Variants in BANK1 observed in about 807,000 individuals in gnomAD.
The protein encoded by BANK1 is B cell scaffold protein with ankyrin repeats 1.
Under a neutral mutation model 94.5 loss-of-function variants are expected in BANK1, and 95 were observed. That is an observed-to-expected ratio of 1.00 (90% CI 0.85 to 1.19). The LOEUF is 1.19. Among genes scored for constraint, BANK1 ranks in the 50% most tolerant of loss-of-function variants. The pLI, the probability that BANK1 is intolerant of heterozygous loss-of-function variation, is 0.00. For synonymous variants in BANK1, 334 were observed against 308.4 expected, an observed-to-expected ratio of 1.08 and a Z score of -0.87; for missense variants, 987 against 932.2, an observed-to-expected ratio of 1.06 and a Z score of -0.77.
chr4:101,829,852 GA>G lies in BANK1; in HGVS notation c.117del (p.Glu39AspfsTer6). Reference sequence around the variant, plus strand: ...AATGATATATGAAGAAGATGCTGAGGAATGGGCTCTGTACTTGACAGAAGTA... The same window carrying G: ...AATGATATATGAAGAAGATGCTGAGGATGGGCTCTGTACTTGACAGAAGTA... Reference protein sequence around the residue: ...IIMIYEEDAEEWALYLTEVFL... With the variant: ...IIMIYEEDAEXWALYLTEVFL... On this transcript the variant is annotated frameshift_variant, in exon 2 of 17. Transcript: ENST00000322953. LOFTEE classifies it high-confidence loss of function. 6.3e-7 allele frequency: 1 copy of G among 1,593,388 alleles called. No individual in the cohort carries two copies. Among genetic ancestry groups the G allele is most frequent in the Non-Finnish European group, 8.5e-7 (1 of 1,170,750 alleles).
At chr4:101,965,741 GC>G (rs1406112315) in intron 7 of BANK1, among the ~76,000 whole-genome samples, 2 of 151,984 alleles carry the variant, frequency 1.3e-5, no homozygotes, top group Non-Finnish European at 2.9e-5. Flanking sequence ...ACTGAGGTAG[GC>G]CTAGATGCTT....
intron 2 of BANK1, among the ~76,000 whole-genome samples, chr4:101,833,844 T>C (rs1726719888): frequency 6.6e-6 from 1 of 152,210 alleles, no homozygotes; most frequent in Admixed American, 6.5e-5. Flanking sequence ...ACTGGAAGTT[T>C]TCAAGTTTCT....
At chr4:102,072,562 T>TAAG (rs1387570912) in intron 15 of BANK1, among the ~76,000 whole-genome samples, 162 bp downstream of exon 15, 1 of 152,102 alleles carries the variant, frequency 6.6e-6, no homozygotes, top group African/African-American at 2.4e-5. Context: ...AGCATTTATT[T>TAAG]AAGGAAATTA....
intron 10 of BANK1, among the ~76,000 whole-genome samples, chr4:102,033,370 T>A (rs1200879128): frequency 6.6e-6 from 1 of 152,174 alleles, no homozygotes; most frequent in Non-Finnish European, 1.5e-5. Context: ...CTAAGTAAAA[T>A]AAGTACATTT....
At chr4:101,995,520 C>T (rs967575333) in intron 7 of BANK1, among the ~76,000 whole-genome samples, 9 of 151,048 alleles carry the variant, frequency 6.0e-5, no homozygotes, top group African/African-American at 2.2e-4. Flanking sequence ...GGAATCGCCA[C>T]ACTGACTTCC....
At chr4:102,034,686 C>T (rs143565912) in intron 10 of BANK1, among the ~76,000 whole-genome samples, 2 of 152,262 alleles carry the variant, frequency 1.3e-5, no homozygotes, top group African/African-American at 4.8e-5. Flanking sequence ...AGGCAGCTTT[C>T]ATGATAATTG....
intron 2 of BANK1, among the ~76,000 whole-genome samples, chr4:101,845,091 G>A (rs1727194617): frequency 6.6e-6 from 1 of 152,012 alleles, no homozygotes; most frequent in African/African-American, 2.4e-5. Context: ...TTATATGGAA[G>A]CAAGCAGTTT....
rs554588432 is a variant in BANK1 at position 101,863,054 on chromosome 4, T to TC, written c.763+395dup. On this transcript the variant is annotated intron_variant, in intron 4 of 16. Coordinates refer to ENST00000322953, the MANE Select transcript of BANK1 (RefSeq NM_017935.5). Reference sequence around the variant, plus strand: ...TATTTTTTTCCCTTTCTTTCTTTTTTCCCCCAAGTCTCTGGTATATTTTTG... The same window carrying TC: ...TATTTTTTTCCCTTTCTTTCTTTTTTCCCCCCAAGTCTCTGGTATATTTTTG... Among the ~76,000 whole-genome samples, 617 of 152,038 alleles carry TC rather than the reference T, an allele frequency of 4.1e-3. 4 individuals are homozygous for TC. The highest frequency in any genetic ancestry group is 0.013 in the African/African-American group (560 of 41,540).
At chr4:101,907,158 G>A (rs1040293706) in intron 6 of BANK1, among the ~76,000 whole-genome samples, 1 of 152,318 alleles carries the variant, frequency 6.6e-6, no homozygotes, top group African/African-American at 2.4e-5. Context: ...GATCACTCAT[G>A]CTATTGTTTG....
chr4:101,968,748 T>C (rs1724849295), intron 7 of BANK1, among the ~76,000 whole-genome samples: 1 of 152,110 alleles, frequency 6.6e-6, no homozygotes, highest in Non-Finnish European at 1.5e-5. Context: ...TCTTCCCTCA[T>C]GTATCATACA....
At chr4:101,824,119 G>A (rs1017041663) in intron 1 of BANK1, among the ~76,000 whole-genome samples, 9 of 152,218 alleles carry the variant, frequency 5.9e-5, no homozygotes, top group Non-Finnish European at 1.2e-4. Context: ...ATTGCAGGTT[G>A]GATAAGCTGA....
chr4:101,860,428 T>A (rs546603624), intron 3 of BANK1, among the ~76,000 whole-genome samples: 1 of 152,158 alleles, frequency 6.6e-6, no homozygotes, highest in East Asian at 1.9e-4. Context: ...CTTTCTTTTT[T>A]TTTTATTTTT....
intron 1 of BANK1, among the ~76,000 whole-genome samples, chr4:101,804,486 T>C (rs1272876403): frequency 1.3e-5 from 2 of 152,166 alleles, no homozygotes; most frequent in East Asian, 3.9e-4. Context: ...TCATGGGAAG[T>C]ACCACTAGTG....
intron 5 of BANK1, among the ~76,000 whole-genome samples, chr4:101,875,678 C>T (rs1258492569): frequency 6.6e-6 from 1 of 152,164 alleles, no homozygotes; most frequent in African/African-American, 2.4e-5. Context: ...CAGAGCTAAA[C>T]CATATAACCC....
chr4:102,001,935 A>G (rs1310085784), intron 7 of BANK1, among the ~76,000 whole-genome samples: 1 of 152,226 alleles, frequency 6.6e-6, no homozygotes, highest in African/African-American at 2.4e-5. Context: ...ACAGTGTGGT[A>G]AAACCAAGAT....
intron 7 of BANK1, among the ~76,000 whole-genome samples, chr4:101,985,159 G>GT (rs1207979635): frequency 2.0e-5 from 3 of 152,118 alleles, no homozygotes; most frequent in Admixed American, 2.0e-4. Flanking sequence ...AGCCAATGGT[G>GT]TAAGTTCCAA....
intron 1 of BANK1, among the ~76,000 whole-genome samples, chr4:101,800,110 A>G (rs917302416): frequency 7.2e-4 from 71 of 98,302 alleles, no homozygotes; most frequent in African/African-American, 2.4e-3. Context: ...GATGCGGAAC[A>G]TCACACACCA....
At chr4:101,980,068 T>C (rs1178335140) in intron 7 of BANK1, among the ~76,000 whole-genome samples, 3 of 151,880 alleles carry the variant, frequency 2.0e-5, no homozygotes, top group African/African-American at 7.2e-5. Context: ...ACTTTATAAG[T>C]GGCAAAAGTT....
intron 11 of BANK1, among the ~76,000 whole-genome samples, chr4:102,049,406 C>T (rs1727977997): frequency 1.3e-5 from 2 of 152,122 alleles, no homozygotes; most frequent in Admixed American, 1.3e-4. Context: ...CCTTTTCTAT[C>T]TATATCAAGA....
Sources: allele counts gnomAD v4.1 joint callset (sites outside exome capture counted in the v4.1 genomes callset), GRCh38; gene constraint gnomAD v4.1.1; transcripts MANE v1.5; gene names NCBI Gene and HGNC (gene_info 2026-07-23, HGNC 2026-07-21).